The following EFR3B variants were observed in gnomAD, a reference collection of about 807,000 sequenced individuals.
The protein encoded by EFR3B is protein EFR3 homolog B.
Under a neutral mutation model 104.7 loss-of-function variants are expected in EFR3B, and 64 were observed. The ratio of observed to expected loss-of-function variants is 0.61; its 90% CI spans 0.50 to 0.75. The LOEUF (loss-of-function observed/expected upper bound fraction) is 0.75, where lower values mean the gene tolerates loss of function less well. EFR3B is among the 30% of genes least tolerant of loss of function. The probability of loss-of-function intolerance (pLI) is 0.00; values close to 1 mark genes in which losing one functional copy is unlikely to be tolerated. For synonymous variants in EFR3B, 385 were observed against 417.9 expected, an observed-to-expected ratio of 0.92 and a Z score of 0.96; for missense variants, 750 against 1,078.5, an observed-to-expected ratio of 0.70 and a Z score of 4.27.
At chr2:25,124,735 T>C (rs1284180106) in intron 5 of EFR3B, among the ~76,000 whole-genome samples, 1 of 71,484 alleles carries the variant, frequency 1.4e-5, no homozygotes, top group African/African-American at 5.7e-5. Flanking sequence ...CGAGACTCTG[T>C]CTCAAAAAAA....
chr2:25,127,082 C>T (rs569661824), intron 5 of EFR3B, among the ~76,000 whole-genome samples: 110 of 150,068 alleles, frequency 7.3e-4, no homozygotes, highest in African/African-American at 2.6e-3. Context: ...ATCCCAGCTA[C>T]TCAGGAGGCC....
At chr2:25,075,831 C>T (rs952476775) in intron 1 of EFR3B, among the ~76,000 whole-genome samples, 6 of 152,170 alleles carry the variant, frequency 3.9e-5, no homozygotes, top group Non-Finnish European at 7.3e-5. Context: ...GCTCAAAACA[C>T]TTTAGCTGTT....
chr2:25,142,589 T>C (rs1488352324), intron 17 of EFR3B, among the ~76,000 whole-genome samples: 4 of 151,008 alleles, frequency 2.6e-5, no homozygotes, highest in Admixed American at 2.0e-4. Flanking sequence ...TAAAACCCTG[T>C]CTCTACTAAA....
chr2:25,080,585 C>T (rs1336928722), intron 1 of EFR3B: 4 of 530,230 alleles, frequency 7.5e-6, no homozygotes, highest in Non-Finnish European at 1.3e-5. Flanking sequence ...TGAGCCACCA[C>T]TCCTGGCCCC....
chr2:25,131,582 C>A lies in EFR3B; in HGVS notation c.985+79C>A. 1 of 1,526,244 alleles carries A rather than the reference C, an allele frequency of 6.6e-7. No homozygotes were observed. The highest frequency in any genetic ancestry group is 1.2e-5 in the South Asian group (1 of 82,198). The allele number at this position is 1,526,244 out of a possible 1,614,324, so 94.5% of individuals were successfully genotyped here. A position where few individuals can be genotyped will look rare whatever the true frequency, so the allele number is the denominator to read the frequency against. ...TCTTACAGAGAGAGGCAAGGGACAA[C>A]AGGGAGGGGTCGGAGTCCGTTTTCC... On this transcript the variant is annotated intron_variant, in intron 9 of 22. Coordinates refer to ENST00000403714, the MANE Select transcript of EFR3B (RefSeq NM_014971.2). This position sits in a 1 kb window ranked among gnomAD's most constrained non-coding sequence, Gnocchi z 7.6.
At chr2:25,045,081 C>T (rs1191826865) in intron 1 of EFR3B, among the ~76,000 whole-genome samples, 1 of 152,300 alleles carries the variant, frequency 6.6e-6, no homozygotes, top group South Asian at 2.1e-4. Context: ...CAAGAGGTTC[C>T]GAGCTCCTGA....
chr2:25,049,395 T>C (rs1434105929), intron 1 of EFR3B, among the ~76,000 whole-genome samples: 2 of 152,094 alleles, frequency 1.3e-5, no homozygotes, highest in Non-Finnish European at 2.9e-5. Context: ...ATTTATGGAG[T>C]AGCAGCTATG....
Position 25,049,270 on chromosome 2 carries a change from C to G in EFR3B, c.7+6951C>G, listed in dbSNP as rs182391196. ...AGTGAAACACTTCTTTGTCTTCTAA[C>G]TATTTGCGTGTTAGTAAATCGTCAT... On this transcript the variant is annotated intron_variant, in intron 1 of 22. Coordinates refer to ENST00000403714, the MANE Select transcript of EFR3B (RefSeq NM_014971.2). 4.6e-4 allele frequency among the ~76,000 whole-genome samples: 70 copies of G among 152,166 alleles called. 1 individual carries two copies. Among genetic ancestry groups the G allele is most frequent in the Non-Finnish European group, 1.2e-4 (8 of 68,032 alleles).
At chr2:25,080,233 G>A (rs991188763) in intron 1 of EFR3B, 6 of 1,478,186 alleles carry the variant, frequency 4.1e-6, no homozygotes, top group African/African-American at 3.0e-5. Flanking sequence ...TTGATGGACT[G>A]TAGCACCACC....
intron 4 of EFR3B, among the ~76,000 whole-genome samples, chr2:25,106,295 G>GTTT (rs958322841): frequency 6.9e-6 from 1 of 145,734 alleles, no homozygotes; most frequent in Non-Finnish European, 1.5e-5. Context: ...CACCTCTGGA[G>GTTT]TTTTTTTTTT....
At chr2:25,078,568 A>G (rs1668698332) in intron 1 of EFR3B, among the ~76,000 whole-genome samples, 1 of 152,238 alleles carries the variant, frequency 6.6e-6, no homozygotes, top group Non-Finnish European at 1.5e-5. Context: ...AGGTGAAGTC[A>G]CACATCACGC....
intron 1 of EFR3B, among the ~76,000 whole-genome samples, chr2:25,052,496 C>CTTTTTTTTTTTTTTTTT (rs56005417): frequency 1.0e-5 from 1 of 95,726 alleles, no homozygotes; most frequent in Non-Finnish European, 1.9e-5. Flanking sequence ...AGGCAGAATT[C>CTTTTTTTTTTTTTTTTT]TTTTTTTTTT....
chr2:25,092,570 A>G (rs1669158606), intron 2 of EFR3B, among the ~76,000 whole-genome samples: 1 of 151,572 alleles, frequency 6.6e-6, no homozygotes, highest in African/African-American at 2.4e-5. Context: ...TCCCCCCGAG[A>G]CGGAGTCTCA....
intron 1 of EFR3B, among the ~76,000 whole-genome samples, chr2:25,055,970 G>A (rs184026483): frequency 3.9e-5 from 6 of 152,116 alleles, no homozygotes; most frequent in African/African-American, 1.2e-4. Context: ...GCATCTAACC[G>A]GGAACTTTGG....
chr2:25,153,776 T>C lies in EFR3B; in HGVS notation c.2348+15T>C. The C allele has an allele frequency of 6.4e-7, 1 of 1,551,668 alleles. No homozygotes were observed. The highest frequency in any genetic ancestry group is 8.7e-7 in the Non-Finnish European group (1 of 1,146,978). Reference sequence around the variant, plus strand: ...ATCACCATCCGGTAAGTGACAACCCTGGGCAGGGGACCCTGACCTCCGTGG... The same window carrying C: ...ATCACCATCCGGTAAGTGACAACCCCGGGCAGGGGACCCTGACCTCCGTGG... On this transcript the variant is annotated intron_variant, in intron 22 of 22. Transcript: ENST00000403714.
chr2:25,152,184 C>T (rs952427559), intron 21 of EFR3B, among the ~76,000 whole-genome samples, 164 bp downstream of exon 21: 9 of 151,396 alleles, frequency 5.9e-5, no homozygotes, highest in African/African-American at 9.7e-5. Context: ...CAGGGAGCTC[C>T]GCTGTTGCCC....
intron 19 of EFR3B, chr2:25,146,040 C>T (rs1040172301): frequency 2.0e-5 from 3 of 151,262 alleles, no homozygotes; most frequent in African/African-American, 7.3e-5. Context: ...ACCCCCTGTG[C>T]TCCACCTCTT....
chr2:25,133,345 T>C, intron 11 of EFR3B, 38 bp from the exon 12 acceptor site: 1 of 1,549,684 alleles, frequency 6.5e-7, no homozygotes, highest in Non-Finnish European at 8.7e-7. Flanking sequence ...CTCTGCCCTA[T>C]TACCATCCTG....
intron 1 of EFR3B, among the ~76,000 whole-genome samples, chr2:25,088,093 G>A (rs986860728): frequency 1.3e-5 from 2 of 151,160 alleles, no homozygotes; most frequent in African/African-American, 4.8e-5. Flanking sequence ...TCGTGCACTC[G>A]TCAGTCCCTT....
Sources: allele counts gnomAD v4.1 joint callset (sites outside exome capture counted in the v4.1 genomes callset), GRCh38; gene constraint gnomAD v4.1.1; non-coding constraint Gnocchi (gnomAD v3.1); transcripts MANE v1.5; gene names NCBI Gene and HGNC (gene_info 2026-07-23, HGNC 2026-07-21).